EMC9: variants seen among roughly 807,000 people sequenced by gnomAD.
EMC9 encodes the protein UPF0172 protein FAM158A.
Under a neutral mutation model 25.0 loss-of-function variants are expected in EMC9, and 20 were observed. That is an observed-to-expected ratio of 0.80 (90% CI 0.56 to 1.16). EMC9 has a LOEUF of 1.16. Among genes scored for constraint, EMC9 ranks in the 50% most tolerant of loss-of-function variants. The probability of loss-of-function intolerance (pLI) is 0.00; values close to 1 mark genes in which losing one functional copy is unlikely to be tolerated. For missense variants in EMC9, 256 were observed against 268.7 expected (o/e 0.95, Z 0.33); for synonymous variants, 100 against 107.0 (o/e 0.93, Z 0.40).
intron 3 of EMC9, 114 bp downstream of exon 3, chr14:24,140,775 G>C (rs2038035898): frequency 8.8e-7 from 1 of 1,137,968 alleles, no homozygotes; most frequent in Non-Finnish European, 1.3e-6. Flanking sequence ...GAACGACCTT[G>C]GTTCATCTTG....
In EMC9 at chr14:24,139,753, C is replaced by T; in HGVS notation, c.276-139G>A. The T allele has an allele frequency of 6.5e-7, 1 of 1,546,344 alleles. No individual in the cohort carries two copies. Among genetic ancestry groups the T allele is most frequent in the Non-Finnish European group, 8.7e-7 (1 of 1,144,354 alleles). On this transcript the variant is annotated intron_variant, in intron 3 of 5. Transcript: ENST00000216799. The surrounding 1 kb of genome is among the most constrained non-coding windows in gnomAD (Gnocchi z 4.6). ...AGGTGGCCTGCGGGGATCGGGCCTG[C>T]TGGATGCTTGATGCACGACTGCTTG...
intron 3 of EMC9, chr14:24,140,386 G>A (rs1193659435): frequency 6.6e-6 from 1 of 151,416 alleles, no homozygotes; most frequent in Non-Finnish European, 1.5e-5. Flanking sequence ...GGCCAACATG[G>A]CGAAACCCCA....
At chr14:24,140,861 T>A in intron 3 of EMC9, 28 bp downstream of exon 3, 7 of 1,613,712 alleles carry the variant, frequency 4.3e-6, no homozygotes, top group Middle Eastern at 1.7e-4. Flanking sequence ...CATAATCCTT[T>A]CCTTCTTCCT....
Position 24,139,632 on chromosome 14 carries a change from C to T in EMC9, c.276-18G>A. 1 of 1,612,276 alleles carries T rather than the reference C, an allele frequency of 6.2e-7. No individual in the cohort carries two copies. The highest frequency in any genetic ancestry group is 8.5e-7 in the Non-Finnish European group (1 of 1,179,116). The stretch of plus-strand genomic sequence containing the variant: ...GCCCAGGGCTGTGTAGAGGGAAGAT[C>T]AGAGGAGTGAGGAGCCAACTGTGGG... On this transcript the variant is annotated intron_variant, in intron 3 of 5. Coordinates refer to ENST00000216799, the MANE Select transcript of EMC9 (RefSeq NM_016049.4). The surrounding 1 kb of genome is among the most constrained non-coding windows in gnomAD (Gnocchi z 4.6).
chr14:24,139,024 T>C lies in EMC9; in HGVS notation c.613A>G (p.Asn205Asp). The C allele has an allele frequency of 6.2e-7, 1 of 1,613,424 alleles. No homozygotes were observed. The highest frequency in any genetic ancestry group is 8.5e-7 in the Non-Finnish European group (1 of 1,180,028). ...ITQWVGPTNG[N>D]GNA ...CTGGCCCTGGCTCAGGCATTTCCAT[T>C]TCCATTAGTGGGACCAACCCACTGG... The change falls in exon 6 of 6, where the codon AAT (asparagine) becomes GAT (aspartate). Residue 205 changes from asparagine to aspartate, a missense_variant. Transcript: ENST00000216799. The surrounding 1 kb of genome is among the most constrained non-coding windows in gnomAD (Gnocchi z 4.6).
chr14:24,141,228 A>C lies in EMC9; in HGVS notation c.77T>G (p.Val26Gly). The C allele has an allele frequency of 6.2e-7, 1 of 1,614,186 alleles. No homozygotes were observed. The highest frequency in any genetic ancestry group is 8.5e-7 in the Non-Finnish European group (1 of 1,180,038). ...LHAARYPHAA[V>G]NGLFLAPAPR... ...CGCTGGCGCCAAAAACAGCCCGTTG[A>C]CTGCGGCGTGTGGGTACCGGGCAGC... The change falls in exon 2 of 6, where the codon GTC becomes GGC. Residue 26 changes from valine to glycine, a missense_variant. Transcript: ENST00000216799.
rs1399140044 is a variant in EMC9 at position 24,138,973 on chromosome 14, A to G, written c.*37T>C. The G allele has an allele frequency of 1.2e-6, 2 of 1,610,152 alleles. No individual in the cohort carries two copies. The highest frequency in any genetic ancestry group is 1.1e-5 in the South Asian group (1 of 90,912). On this transcript the variant is annotated 3_prime_UTR_variant, in exon 6 of 6. Coordinates refer to ENST00000216799, the MANE Select transcript of EMC9 (RefSeq NM_016049.4). Reference sequence around the variant, plus strand: ...AGTTATACCACTGCCCATCAGCCCAAGTCTCTTTATTGGAACCGGGCCCCG... The same window carrying G: ...AGTTATACCACTGCCCATCAGCCCAGGTCTCTTTATTGGAACCGGGCCCCG...
chr14:24,139,432 G>A lies in EMC9; in HGVS notation c.368C>T (p.Pro123Leu). The A allele has an allele frequency of 6.2e-7, 1 of 1,614,184 alleles. No individual in the cohort carries two copies. Among genetic ancestry groups the A allele is most frequent in the East Asian group, 2.2e-5 (1 of 44,882 alleles). The change falls in exon 5 of 6, where the codon CCT becomes CTT. Residue 123 changes from proline to leucine, a missense_variant. By Grantham distance (98) the Pro-to-Leu change is moderately conservative (BLOSUM62 -3). Transcript: ENST00000216799. This position sits in a 1 kb window ranked among gnomAD's most constrained non-coding sequence, Gnocchi z 4.6. ...GATGACCGGGGGCACACGAGGCTGAGGCACCAGTTTCTGATTATCCAACTG... is the reference window on the plus strand; with the variant it reads ...GATGACCGGGGGCACACGAGGCTGAAGCACCAGTTTCTGATTATCCAACTG... ...LIMLDNQKLVPQPRVPPVIVL... is the reference protein window; with the variant it reads ...LIMLDNQKLVLQPRVPPVIVL...
At position 24,140,933 on chromosome 14, in the gene EMC9, C is replaced by T. The variant is rs373755206; in HGVS notation, c.231G>A (p.Val77=). ...VDVWGAQAGL[V]VAGYYHANAA... ...CATTGGCATGGTAGTAACCAGCCAC[C>T]ACCAGACCGGCCTGTGCTCCCCACA... The change falls in exon 3 of 6, where the codon GTG becomes GTA. Residue 77 remains valine, a synonymous_variant. Transcript: ENST00000216799. 3.7e-6 allele frequency: 6 copies of T among 1,614,262 alleles called. No homozygotes were observed. The highest frequency in any genetic ancestry group is 5.1e-6 in the Non-Finnish European group (6 of 1,180,056).
At chr14:24,140,830 T>A in intron 3 of EMC9, 59 bp downstream of exon 3, 1 of 1,416,424 alleles carries the variant, frequency 7.1e-7, no homozygotes, top group Non-Finnish European at 9.9e-7. Context: ...TCGCCCTCTA[T>A]TCCTCCAATC....
At position 24,139,361 on chromosome 14, in the gene EMC9, A is replaced by G; in HGVS notation, c.439T>C (p.Leu147=). 1 of 1,614,030 alleles carries G rather than the reference A, an allele frequency of 6.2e-7. No homozygotes were observed. Among genetic ancestry groups the G allele is most frequent in the Non-Finnish European group, 8.5e-7 (1 of 1,179,932 alleles). The change falls in exon 5 of 6, where the codon TTA becomes CTA. Residue 147 remains leucine (L), a splice_region_variant and synonymous_variant. Coordinates refer to ENST00000216799, the MANE Select transcript of EMC9 (RefSeq NM_016049.4). The surrounding 1 kb of genome is among the most constrained non-coding windows in gnomAD (Gnocchi z 4.6). ...GLRWVPKDKN[L]VMWRDWEESR... ...AGGTAGAGGGAGTGGGGTACTCACAAGTTCTTATCCTTAGGGACCCAGCGG... is the reference window on the plus strand; with the variant it reads ...AGGTAGAGGGAGTGGGGTACTCACAGGTTCTTATCCTTAGGGACCCAGCGG...
Position 24,139,016 on chromosome 14 carries a change from A to G in EMC9, c.621T>C (p.Asn207=). Residue 207 remains asparagine, a synonymous_variant, in exon 6 of 6, where the codon AAT becomes AAC. Transcript: ENST00000216799. The surrounding 1 kb of genome is among the most constrained non-coding windows in gnomAD (Gnocchi z 4.6). The part of the protein sequence containing the change: ...QWVGPTNGNG[N]A ...GGGCCCCGCTGGCCCTGGCTCAGGCATTTCCATTTCCATTAGTGGGACCAA... is the reference window on the plus strand; with the variant it reads ...GGGCCCCGCTGGCCCTGGCTCAGGCGTTTCCATTTCCATTAGTGGGACCAA... 1 of 1,613,214 alleles carries G rather than the reference A, an allele frequency of 6.2e-7. No homozygotes were observed. The highest frequency in any genetic ancestry group is 8.5e-7 in the Non-Finnish European group (1 of 1,179,998).
At position 24,139,281 on chromosome 14, in the gene EMC9, C is replaced by T; in HGVS notation, c.440+79G>A. On this transcript the variant is annotated intron_variant, in intron 5 of 5. Transcript: ENST00000216799. The surrounding 1 kb of genome is among the most constrained non-coding windows in gnomAD (Gnocchi z 4.6). ...ACAGAGATTGGGTCTAGAGAAAGACCCTTGGGGCAGGGCCAAGGACAGAGG... is the reference window on the plus strand; with the variant it reads ...ACAGAGATTGGGTCTAGAGAAAGACTCTTGGGGCAGGGCCAAGGACAGAGG... 1.9e-6 allele frequency: 3 copies of T among 1,601,958 alleles called. No individual in the cohort carries two copies. Among genetic ancestry groups the T allele is most frequent in the African/African-American group, 1.3e-5 (1 of 74,584 alleles).
Position 24,141,229 on chromosome 14 carries a change from C to A in EMC9, c.76G>T (p.Val26Phe), listed in dbSNP as rs142404249. Residue 26 changes from valine to phenylalanine, a missense_variant, in exon 2 of 6, where the codon GTC becomes TTC. Coordinates refer to ENST00000216799, the MANE Select transcript of EMC9 (RefSeq NM_016049.4). ...GCTGGCGCCAAAAACAGCCCGTTGACTGCGGCGTGTGGGTACCGGGCAGCA... is the reference window on the plus strand; with the variant it reads ...GCTGGCGCCAAAAACAGCCCGTTGAATGCGGCGTGTGGGTACCGGGCAGCA... ...LHAARYPHAA[V>F]NGLFLAPAPR... 2.5e-6 allele frequency: 4 copies of A among 1,614,108 alleles called. No individual in the cohort carries two copies. In the African/African-American group the frequency reaches 5.3e-5, roughly 22 times the overall value.
In EMC9 at chr14:24,141,539, C is replaced by G. The variant is rs927551459; in HGVS notation, c.-114G>C. ...CCCGGCCCAGTCCAGGAGGAGGTCC[C>G]GATTGCATCCGAGCCCCGCCTTCCC... is the stretch of plus-strand genomic sequence containing the variant. On this transcript the variant is annotated 5_prime_UTR_variant, in exon 1 of 6. Transcript: ENST00000216799. The G allele has an allele frequency of 9.9e-5, 59 of 597,070 alleles. 1 individual carries two copies. The highest frequency in any genetic ancestry group is 1.6e-4 in the Non-Finnish European group (53 of 335,442). 37.0% of individuals were successfully genotyped at this position (597,070 alleles called of 1,614,324 possible). A position where few individuals can be genotyped will look rare whatever the true frequency, so the allele number is the denominator to read the frequency against.
Position 24,139,479 on chromosome 14 carries a change from G to A in EMC9, c.346-25C>T. 2 of 1,613,846 alleles carry A rather than the reference G, an allele frequency of 1.2e-6. No individual in the cohort carries two copies. Among genetic ancestry groups the A allele is most frequent in the Non-Finnish European group, 1.7e-6 (2 of 1,179,802 alleles). ...ACTGAGTGGACAAAGATGGGCAAGT[G>A]AGAGTTTCAAGGGTCCCCCCACCCT... On this transcript the variant is annotated intron_variant, in intron 4 of 5. Coordinates refer to ENST00000216799, the MANE Select transcript of EMC9 (RefSeq NM_016049.4). This position sits in a 1 kb window ranked among gnomAD's most constrained non-coding sequence, Gnocchi z 4.6.
In EMC9 at chr14:24,139,634, G is replaced by A; in HGVS notation, c.276-20C>T. The A allele has an allele frequency of 2.5e-6, 4 of 1,611,452 alleles. No homozygotes were observed. The highest frequency in any genetic ancestry group is 3.4e-6 in the Non-Finnish European group (4 of 1,178,708). ...CCAGGGCTGTGTAGAGGGAAGATCA[G>A]AGGAGTGAGGAGCCAACTGTGGGCA... On this transcript the variant is annotated intron_variant, in intron 3 of 5. Coordinates refer to ENST00000216799, the MANE Select transcript of EMC9 (RefSeq NM_016049.4). This position sits in a 1 kb window ranked among gnomAD's most constrained non-coding sequence, Gnocchi z 4.6.
chr14:24,140,820 T>G, intron 3 of EMC9, 69 bp downstream of exon 3: 6 of 906,384 alleles, frequency 6.6e-6, no homozygotes, highest in African/African-American at 1.9e-5. Flanking sequence ...CCACGCATCC[T>G]CGCCCTCTAT....
Position 24,139,900 on chromosome 14 carries a change from C to A in EMC9, c.276-286G>T. 1 of 627,136 alleles carries A rather than the reference C, an allele frequency of 1.6e-6. No individual in the cohort carries two copies. Among genetic ancestry groups the A allele is most frequent in the Non-Finnish European group, 2.8e-6 (1 of 360,732 alleles). 38.8% of individuals were successfully genotyped at this position (627,136 alleles called of 1,614,324 possible). On this transcript the variant is annotated intron_variant, in intron 3 of 5. Coordinates refer to ENST00000216799, the MANE Select transcript of EMC9 (RefSeq NM_016049.4). This position sits in a 1 kb window ranked among gnomAD's most constrained non-coding sequence, Gnocchi z 4.6. ...AAATTGAAACTGTATACATACTATA[C>A]ATATGCTGACCCAGAAATTCTACTT...
Sources: allele counts gnomAD v4.1 joint callset, GRCh38; gene constraint gnomAD v4.1.1; non-coding constraint Gnocchi (gnomAD v3.1); transcripts MANE v1.5; gene names NCBI Gene and HGNC (gene_info 2026-07-23, HGNC 2026-07-21).